Variants in COL2A1 observed in about 807,000 individuals in gnomAD.
COL2A1 encodes the protein collagen alpha-1(II) chain.
A neutral mutation model predicts 204.5 loss-of-function variants in COL2A1; 28 were observed. That is an observed-to-expected ratio of 0.14 (90% CI 0.10 to 0.19). The LOEUF is 0.19. Among genes scored for constraint, COL2A1 ranks in the 10% least tolerant of loss-of-function variants. The pLI is 1.00. For synonymous variants in COL2A1, 708 were observed against 718.7 expected (o/e 0.99, Z 0.24); for missense variants, 1,388 against 2,027.5 (o/e 0.68, Z 6.06).
In COL2A1 at chr12:47,997,630, G is replaced by A. The variant is rs143851987; in HGVS notation, c.507C>T (p.Pro169=). Residue 169 remains proline, a synonymous_variant, in exon 7 of 54, where the codon CCC becomes CCT. Transcript: ENST00000380518. ...GNPGPPGPPG[P]PGPPGLGGNF... Reference sequence around the variant, plus strand: ...CTCCACCAAGACCAGGGGGACCAGGGGGGCCGGGAGGACCAGGGGGGCCAG... The same window carrying A: ...CTCCACCAAGACCAGGGGGACCAGGAGGGCCGGGAGGACCAGGGGGGCCAG... The A allele has an allele frequency of 1.4e-3, 2,257 of 1,613,802 alleles. 6 individuals are homozygous for A. The highest frequency in any genetic ancestry group is 1.7e-3 in the Non-Finnish European group (1,993 of 1,179,878).
chr12:47,993,726 C>T (rs1233428364), intron 14 of COL2A1, 83 bp downstream of exon 14: 3 of 1,493,714 alleles, frequency 2.0e-6, no homozygotes, highest in Non-Finnish European at 2.8e-6. Context: ...TTCCACTGAG[C>T]TCCACAGTGT....
In COL2A1 at chr12:47,977,135, T is replaced by C; in HGVS notation, c.3294A>G (p.Gly1098=). ...RGEAGAQGPM[G]PSGPAGARGI... ...CCCGGGCTCCAGCTGGTCCTGAGGGTCCCATGGGGCCTTGTGCACCCTGAG... is the reference window on the plus strand; with the variant it reads ...CCCGGGCTCCAGCTGGTCCTGAGGGCCCCATGGGGCCTTGTGCACCCTGAG... The change falls in exon 47 of 54, where the codon GGA becomes GGG. Residue 1098 remains glycine (G), a synonymous_variant. Transcript: ENST00000380518. 1.9e-6 allele frequency: 3 copies of C among 1,610,306 alleles called. No individual in the cohort carries two copies. Among genetic ancestry groups the C allele is most frequent in the Non-Finnish European group, 2.5e-6 (3 of 1,178,750 alleles).
At chr12:47,992,646 G>A (rs1053105754) in intron 16 of COL2A1, among the ~76,000 whole-genome samples, 7 of 152,258 alleles carry the variant, frequency 4.6e-5, no homozygotes, top group African/African-American at 1.2e-4. Context: ...TGATAATCTG[G>A]ACTGGTTAAG....
At chr12:47,998,267 G>C in intron 3 of COL2A1, 66 bp from the exon 4 acceptor site, 1 of 1,605,726 alleles carries the variant, frequency 6.2e-7, no homozygotes, top group African/African-American at 1.3e-5. Context: ...CTAAAACCCT[G>C]CCAGCAGCCC....
rs187527307 is a variant in COL2A1 at position 47,987,943 on chromosome 12, A to G, written c.1123-234T>C. On this transcript the variant is annotated intron_variant, in intron 18 of 53. Transcript: ENST00000380518. This position sits in a 1 kb window ranked among gnomAD's most constrained non-coding sequence, Gnocchi z 4.1. ...GCCTGCCTCCTCTACTGCTTACCTC[A>G]TCTCTACACAGTGAGCCTCCACATG... Among the ~76,000 whole-genome samples the G allele has an allele frequency of 6.6e-6, 1 of 152,090 alleles. No homozygotes were observed. Among genetic ancestry groups the G allele is most frequent in the Non-Finnish European group, 1.5e-5 (1 of 67,986 alleles).
chr12:47,981,209 C>T (rs760545252), intron 37 of COL2A1, 134 bp downstream of exon 37: 1 of 1,026,380 alleles, frequency 9.7e-7, no homozygotes, highest in Non-Finnish European at 1.5e-6. Context: ...ACCCTAGACC[C>T]AGCGGGTAGG....
At position 47,977,322 on chromosome 12, in the gene COL2A1, C is replaced by T. The variant is rs751632768; in HGVS notation, c.3271G>A (p.Ala1091Thr). 1.9e-6 allele frequency: 3 copies of T among 1,612,730 alleles called. No homozygotes were observed. The highest frequency in any genetic ancestry group is 2.5e-6 in the Non-Finnish European group (3 of 1,178,838). The change falls in exon 46 of 54, where the codon GCT becomes ACT. Residue 1091 changes from alanine (A) to threonine (T), a missense_variant and splice_region_variant. Physicochemically the swap from Ala to Thr is moderately conservative, Grantham distance 58. Around this residue, in one of 3 missense-constraint regions of COL2A1, gnomAD observed 884 missense variants for 1,415.8 expected, o/e 0.62. Coordinates refer to ENST00000380518, the MANE Select transcript of COL2A1 (RefSeq NM_001844.5). ...TTTACTGAATTCAGGATACTTACAGCTTCTCCTCTGTCTCCTTGCTTGCCA... is the reference window on the plus strand; with the variant it reads ...TTTACTGAATTCAGGATACTTACAGTTTCTCCTCTGTCTCCTTGCTTGCCA... ...PTGKQGDRGE[A>T]GAQGPMGPSG...
rs949639354 is a variant in COL2A1, at chr12:47,995,156, C to T, written c.762+99G>A. 6.8e-6 allele frequency: 7 copies of T among 1,022,492 alleles called. No individual in the cohort carries two copies. In the African/African-American group the frequency reaches 1.1e-4, roughly 16 times the overall value. 63.3% of individuals were successfully genotyped at this position (1,022,492 alleles called of 1,614,324 possible). A position where few individuals can be genotyped will look rare whatever the true frequency, so the allele number is the denominator to read the frequency against. On this transcript the variant is annotated intron_variant, in intron 11 of 53. Coordinates refer to ENST00000380518, the MANE Select transcript of COL2A1 (RefSeq NM_001844.5). ...TGCCCAGTCTTGCTCCTCAAGATAC[C>T]TCCACCCTGGGTGCCTCCCTGTCAC...
intron 1 of COL2A1, among the ~76,000 whole-genome samples, chr12:48,003,314 TAC>T (rs148302257): frequency 2.0e-5 from 3 of 150,110 alleles, no homozygotes; most frequent in Admixed American, 6.6e-5. Context: ...GACACACACA[TAC>T]ACACACACAC....
chr12:48,004,129 C>A, intron 1 of COL2A1, 108 bp downstream of exon 1: 1 of 821,668 alleles, frequency 1.2e-6, no homozygotes, highest in South Asian at 1.5e-5. Flanking sequence ...ACCCCGGGAG[C>A]CGTTTTAGCC....
At chr12:47,993,705 T>C (rs1939813750) in intron 14 of COL2A1, 104 bp downstream of exon 14, 4 of 1,372,590 alleles carry the variant, frequency 2.9e-6, no homozygotes, top group Non-Finnish European at 4.1e-6. Flanking sequence ...AAGGCTGTTC[T>C]GAGGAGCTAG....
Position 47,994,484 on chromosome 12 carries a change from GGAGA to G in COL2A1, c.763-11_763-8del, listed in dbSNP as rs139162796. 3.1e-6 allele frequency: 5 copies of G among 1,613,288 alleles called. No homozygotes were observed. Among genetic ancestry groups the G allele is most frequent in the Non-Finnish European group, 4.2e-6 (5 of 1,179,674 alleles). ...CAGGTTTTCCAGCTTCACCCTGAAG[GGAGA>G]GAGAGAGATATCCCAGCTTCCTCAG... On this transcript the variant is annotated splice_region_variant and splice_polypyrimidine_tract_variant and intron_variant, in intron 11 of 53. Coordinates refer to ENST00000380518, the MANE Select transcript of COL2A1 (RefSeq NM_001844.5).
At chr12:47,988,582 G>T (rs1939550453) in intron 18 of COL2A1, 1 of 159,202 alleles carries the variant, frequency 6.3e-6, no homozygotes, top group Non-Finnish European at 1.4e-5. Flanking sequence ...GACACTGTCT[G>T]GTTGCCATGG....
chr12:47,979,195 G>A (rs1020325851), intron 41 of COL2A1, among the ~76,000 whole-genome samples: 11 of 152,044 alleles, frequency 7.2e-5, no homozygotes, highest in African/African-American at 2.7e-4. Context: ...CAGGACATGC[G>A]GACTTGCTTT....
At chr12:48,001,956 A>G (rs1036367824) in intron 1 of COL2A1, among the ~76,000 whole-genome samples, 1 of 151,676 alleles carries the variant, frequency 6.6e-6, no homozygotes, top group African/African-American at 2.4e-5. Context: ...GTTTTGCTTC[A>G]CCGCCGCTCT....
In COL2A1 at chr12:47,986,049, C is replaced by T; in HGVS notation, c.1528-84G>A. ...CCAGTGGGTCCATCCCACTAACCCA[C>T]CAACCCCAATTTCTGGGGAGCAGTA... On this transcript the variant is annotated intron_variant, in intron 23 of 53. Coordinates refer to ENST00000380518, the MANE Select transcript of COL2A1 (RefSeq NM_001844.5). The T allele has an allele frequency of 6.1e-6, 8 of 1,321,966 alleles. No individual in the cohort carries two copies. The South Asian group carries it at 6.3e-5, about 10-fold the overall frequency. The allele number at this position is 1,321,966 out of a possible 1,614,324, so 81.9% of individuals were successfully genotyped here.
rs961689829 is a variant in COL2A1, at chr12:48,004,395, G to A, written c.-74C>T. ...AACGGCAGGAGCACGGCGCGGGTCC[G>A]GGTCTCTACCGCGCCCTCATGCAGG... On this transcript the variant is annotated 5_prime_UTR_variant, in exon 1 of 54. Coordinates refer to ENST00000380518, the MANE Select transcript of COL2A1 (RefSeq NM_001844.5). 6 of 894,982 alleles carry A rather than the reference G, an allele frequency of 6.7e-6. No individual in the cohort carries two copies. Among genetic ancestry groups the A allele is most frequent in the Non-Finnish European group, 1.1e-5 (6 of 566,024 alleles). 55.4% of individuals were successfully genotyped at this position (894,982 alleles called of 1,614,324 possible). A position where few individuals can be genotyped will look rare whatever the true frequency, so the allele number is the denominator to read the frequency against.
chr12:47,977,522 T>C, intron 45 of COL2A1, 78 bp downstream of exon 45: 1 of 1,598,396 alleles, frequency 6.3e-7, no homozygotes. Flanking sequence ...TGTTCCAACC[T>C]GCCACCCCCA....
At position 47,985,733 on chromosome 12, in the gene COL2A1, C is replaced by A. The variant is rs1424853323; in HGVS notation, c.1675G>T (p.Ala559Ser). ...GRPGEPGLPG[A>S]RGLTGRPGDA... ...ACAGCAGCTCTGCTACTTACCCGGG[C>A]TCCAGGAAGGCCAGGTTCTCCAGGA... Residue 559 changes from alanine (A) to serine (S), a missense_variant, in exon 25 of 54, where the codon GCC becomes TCC. Ala to Ser is a moderately conservative substitution (Grantham distance 99). Around this residue, in one of 3 missense-constraint regions of COL2A1, gnomAD observed 884 missense variants for 1,415.8 expected, o/e 0.62. Transcript: ENST00000380518. 5.0e-6 allele frequency: 8 copies of A among 1,613,962 alleles called. No homozygotes were observed. The highest frequency in any genetic ancestry group is 5.9e-6 in the Non-Finnish European group (7 of 1,179,942).
Sources: gnomAD v4.1 joint callset for allele counts (sites outside exome capture counted in the v4.1 genomes callset) on GRCh38, gnomAD v4.1.1 for gene constraint, gnomAD v4.1.1 regional missense constraint, Gnocchi (gnomAD v3.1) non-coding constraint, MANE v1.5 for transcripts, NCBI Gene and HGNC (gene_info 2026-07-23, HGNC 2026-07-21) for gene names.